Variants in LRRC4C observed in about 807,000 individuals in gnomAD.
LRRC4C encodes leucine rich repeat containing 4C, also known as leucine-rich repeat-containing protein 4C.
Under a neutral mutation model 33.6 loss-of-function variants are expected in LRRC4C, and 5 were observed. The observed-to-expected ratio is 0.15, with a 90% CI of 0.08 to 0.31. The LOEUF is 0.31. Ranked by LOEUF, LRRC4C falls within the 10% of genes least tolerant of loss-of-function variation. LRRC4C has a pLI of 1.00. For synonymous variants in LRRC4C, 329 were observed against 302.0 expected (o/e 1.09, Z -0.93); for missense variants, 560 against 796.7 (o/e 0.70, Z 3.58).
intron 1 of LRRC4C, among the ~76,000 whole-genome samples, chr11:41,401,354 T>G (rs1954018284): frequency 6.6e-6 from 1 of 151,866 alleles, no homozygotes; most frequent in African/African-American, 2.4e-5. Flanking sequence ...CGGCAGAAAG[T>G]TCTATTGGAT....
intron 5 of LRRC4C, among the ~76,000 whole-genome samples, chr11:40,191,815 C>A (rs977617330): frequency 2.6e-5 from 4 of 152,042 alleles, no homozygotes; most frequent in African/African-American, 9.7e-5. Flanking sequence ...GAAAAATTAG[C>A]CAGCCATAGT....
intron 6 of LRRC4C, among the ~76,000 whole-genome samples, chr11:40,123,064 G>A (rs1216113646): frequency 1.3e-5 from 2 of 151,396 alleles, no homozygotes; most frequent in African/African-American, 4.9e-5. Context: ...TAAGCTAGAA[G>A]TAGGCAAACT....
chr11:40,340,585 T>C (rs1946823972), intron 3 of LRRC4C, among the ~76,000 whole-genome samples: 2 of 152,218 alleles, frequency 1.3e-5, no homozygotes, highest in South Asian at 4.1e-4. Context: ...AATGGCTGTG[T>C]GCAGGTACTC....
intron 6 of LRRC4C, 116 bp from the exon 7 acceptor site, chr11:40,116,450 TA>T: frequency 9.4e-7 from 1 of 1,062,694 alleles, no homozygotes; most frequent in Non-Finnish European, 1.3e-6. Context: ...TGAGACAAAT[TA>T]AAAACAAATC....
chr11:40,239,901 C>T (rs892549889), intron 5 of LRRC4C, among the ~76,000 whole-genome samples: 1 of 152,186 alleles, frequency 6.6e-6, no homozygotes, highest in African/African-American at 2.4e-5. Context: ...AGACATAAAA[C>T]CTTCCTACAC....
intron 1 of LRRC4C, among the ~76,000 whole-genome samples, chr11:41,399,095 T>C (rs1953931552): frequency 6.6e-6 from 1 of 151,994 alleles, no homozygotes; most frequent in Non-Finnish European, 1.5e-5. Flanking sequence ...CAAATTAAAC[T>C]GCCATCACTA....
chr11:40,499,797 A>G (rs1954652089), intron 3 of LRRC4C, among the ~76,000 whole-genome samples: 1 of 152,182 alleles, frequency 6.6e-6, no homozygotes, highest in South Asian at 2.1e-4. Context: ...CATCAAGAGA[A>G]CCTCAACAAA....
At chr11:41,076,206 T>C (rs923949144) in intron 1 of LRRC4C, among the ~76,000 whole-genome samples, 7 of 152,176 alleles carry the variant, frequency 4.6e-5, no homozygotes, top group Non-Finnish European at 7.3e-5. Context: ...ACATCTCCAA[T>C]GCAATATCTA....
chr11:40,955,429 T>TG (rs1384252421), intron 1 of LRRC4C, among the ~76,000 whole-genome samples: 18 of 151,716 alleles, frequency 1.2e-4, no homozygotes, highest in Non-Finnish European at 1.9e-4. Context: ...TCTTCATCAC[T>TG]GGGGGGGAAA....
chr11:41,087,488 T>C (rs1590509750), intron 1 of LRRC4C, among the ~76,000 whole-genome samples: 2 of 152,110 alleles, frequency 1.3e-5, no homozygotes, highest in East Asian at 3.9e-4. Context: ...GCAATTAATT[T>C]GGTATATGTT....
At chr11:40,369,872 AAAC>A (rs564447120) in intron 3 of LRRC4C, among the ~76,000 whole-genome samples, 1 of 152,204 alleles carries the variant, frequency 6.6e-6, no homozygotes, top group African/African-American at 2.4e-5. Context: ...GCAAATACCT[AAAC>A]AACGTTTCTA....
chr11:41,319,233 C>G (rs112792736), intron 1 of LRRC4C, among the ~76,000 whole-genome samples: 2,916 of 152,250 alleles, frequency 0.019, 96 homozygotes, highest in African/African-American at 0.067. Flanking sequence ...ATCAGCAGAA[C>G]ATTTCTGTCG....
At chr11:40,824,851 A>C (rs1481878384) in intron 2 of LRRC4C, among the ~76,000 whole-genome samples, 1 of 151,932 alleles carries the variant, frequency 6.6e-6, no homozygotes, top group Non-Finnish European at 1.5e-5. Flanking sequence ...AGAGAGAACA[A>C]GTAAAGATAA....
chr11:40,902,693 T>C (rs1300540093), intron 2 of LRRC4C, among the ~76,000 whole-genome samples: 1 of 152,152 alleles, frequency 6.6e-6, no homozygotes, highest in East Asian at 1.9e-4. Context: ...GCCTGACTGC[T>C]GATACGGAGA....
At chr11:40,937,603 A>ATGTGTGTG (rs35416837) in intron 1 of LRRC4C, among the ~76,000 whole-genome samples, 2,492 of 135,952 alleles carry the variant, frequency 0.018, 45 homozygotes, top group African/African-American at 0.035. Flanking sequence ...GTGTGTGTAT[A>ATGTGTGTG]TGTGTGTGTG....
At chr11:41,031,780 C>T (rs1798785143) in intron 1 of LRRC4C, among the ~76,000 whole-genome samples, 2 of 152,018 alleles carry the variant, frequency 1.3e-5, no homozygotes, top group African/African-American at 4.8e-5. Flanking sequence ...AATCATCAGT[C>T]TAAGTAGCCA....
intron 1 of LRRC4C, among the ~76,000 whole-genome samples, chr11:41,319,866 T>C (rs529787171): frequency 1.2e-3 from 187 of 152,320 alleles, no homozygotes; most frequent in African/African-American, 4.4e-3. Context: ...CAACTAAGTT[T>C]TGATTTGGGA....
intron 1 of LRRC4C, among the ~76,000 whole-genome samples, chr11:40,967,939 A>G (rs376520402): frequency 6.6e-6 from 1 of 152,040 alleles, no homozygotes; most frequent in East Asian, 1.9e-4. Flanking sequence ...AGTGTAAGAA[A>G]AAAACACATA....
chr11:40,479,535 G>A (rs1432059150), intron 3 of LRRC4C, among the ~76,000 whole-genome samples: 1 of 152,140 alleles, frequency 6.6e-6, no homozygotes, highest in East Asian at 1.9e-4. Context: ...TGGTATATAT[G>A]TGTCAGGGAA....
Sources: gnomAD v4.1 joint callset for allele counts (sites outside exome capture counted in the v4.1 genomes callset) on GRCh38, gnomAD v4.1.1 for gene constraint, MANE v1.5 for transcripts, NCBI Gene and HGNC (gene_info 2026-07-23, HGNC 2026-07-21) for gene names.